GPHN: variants seen among roughly 807,000 people sequenced by gnomAD.
GPHN encodes gephyrin.
In GPHN, 17 loss-of-function variants were observed where a neutral mutation model predicts 95.5. That is an observed-to-expected ratio of 0.18 (90% CI 0.12 to 0.27). GPHN has a LOEUF of 0.27. Ranked by LOEUF, GPHN falls within the 10% of genes least tolerant of loss-of-function variation. GPHN has a pLI of 1.00. For synonymous variants in GPHN, 320 were observed against 322.5 expected, an observed-to-expected ratio of 0.99 and a Z score of 0.08; for missense variants, 660 against 978.1, an observed-to-expected ratio of 0.67 and a Z score of 4.34.
At chr14:67,615,818 G>C in the GPHN span, 1 of 590,662 alleles carries the variant, frequency 1.7e-6, no homozygotes, top group East Asian at 3.4e-5. Context: ...TGGCCCAAAA[G>C]TCAAAAGAGA....
At chr14:66,529,738 T>C (rs1420099880) in intron 1 of GPHN, among the ~76,000 whole-genome samples, 2 of 152,206 alleles carry the variant, frequency 1.3e-5, no homozygotes, top group African/African-American at 2.4e-5. Context: ...GCTGAAGGTC[T>C]GCTCTAGTTT....
chr14:67,392,572 C>A, the GPHN span: 1 of 1,306,806 alleles, frequency 7.7e-7, no homozygotes, highest in South Asian at 1.3e-5. Flanking sequence ...CCAAGGTCTC[C>A]TCCCATGACT....
intron 11 of GPHN, among the ~76,000 whole-genome samples, chr14:67,087,744 C>G (rs2076967672): frequency 6.6e-6 from 1 of 152,078 alleles, no homozygotes; most frequent in African/African-American, 2.4e-5. Context: ...CTAAGAAGGT[C>G]AAAGATAAAA....
intron 1 of GPHN, among the ~76,000 whole-genome samples, chr14:66,572,771 A>G (rs1423203368): frequency 1.3e-5 from 2 of 152,138 alleles, no homozygotes; most frequent in Admixed American, 6.5e-5. Flanking sequence ...TAATTTCTCT[A>G]ACAAAGACTT....
chr14:67,634,988 G>A, the GPHN span, among the ~76,000 whole-genome samples: 12 of 152,276 alleles, frequency 7.9e-5, no homozygotes, highest in African/African-American at 2.6e-4. Flanking sequence ...GCTCACGCCT[G>A]TAATCCAGCA....
chr14:67,303,659 C>A, the GPHN span: 1 of 1,155,576 alleles, frequency 8.7e-7, no homozygotes, highest in East Asian at 2.3e-5. Context: ...ACTTCTGTTA[C>A]TGTTTACTGT....
At chr14:67,200,741 A>G in the GPHN span, among the ~76,000 whole-genome samples, 2 of 152,172 alleles carry the variant, frequency 1.3e-5, no homozygotes, top group African/African-American at 4.8e-5. Flanking sequence ...TACCTTATAC[A>G]TACTTCTTTC....
chr14:67,437,570 C>A, the GPHN span, among the ~76,000 whole-genome samples: 1 of 152,030 alleles, frequency 6.6e-6, no homozygotes, highest in East Asian at 1.9e-4. Context: ...ATAGGCTGTG[C>A]GGGCAGCCGT....
chr14:66,780,712 T>C (rs138779335), intron 3 of GPHN, among the ~76,000 whole-genome samples: 1,790 of 152,292 alleles, frequency 0.012, 17 homozygotes, highest in Non-Finnish European at 0.018. Context: ...GGAATTCATC[T>C]TGCTTTCAAA....
chr14:67,674,338 G>A, the GPHN span: 11 of 1,537,202 alleles, frequency 7.2e-6, no homozygotes, highest in African/African-American at 2.8e-5. Flanking sequence ...AGCGCGCAGG[G>A]CTGCGCTCCC....
the GPHN span, among the ~76,000 whole-genome samples, chr14:67,264,861 C>T: frequency 6.6e-6 from 1 of 152,100 alleles, no homozygotes; most frequent in African/African-American, 2.4e-5. Context: ...CTCAAGTTTA[C>T]ATCTGAGAAA....
At chr14:67,622,280 C>T in the GPHN span, among the ~76,000 whole-genome samples, 1 of 152,194 alleles carries the variant, frequency 6.6e-6, no homozygotes, top group African/African-American at 2.4e-5. Flanking sequence ...TCTAAGTTAA[C>T]TCCCCACTGT....
the GPHN span, among the ~76,000 whole-genome samples, chr14:67,658,596 C>CA: frequency 7.2e-5 from 11 of 151,786 alleles, no homozygotes; most frequent in Admixed American, 3.9e-4. Flanking sequence ...GACTCCGTCT[C>CA]AAAAAAAATA....
chr14:67,468,421 G>A, the GPHN span, among the ~76,000 whole-genome samples: 18 of 152,342 alleles, frequency 1.2e-4, no homozygotes, highest in African/African-American at 3.8e-4. Flanking sequence ...GACCAGGCAA[G>A]ACTACAGTCA....
At chr14:67,213,183 C>CT in the GPHN span, among the ~76,000 whole-genome samples, 1 of 145,114 alleles carries the variant, frequency 6.9e-6, no homozygotes, top group Non-Finnish European at 1.5e-5. Flanking sequence ...TATTATTATA[C>CT]TTTAAGTTTT....
the GPHN span, chr14:67,205,060 G>T: frequency 2.6e-6 from 4 of 1,551,306 alleles, no homozygotes; most frequent in South Asian, 3.6e-5. Flanking sequence ...TGAAAACAAT[G>T]ACTTAATCAG....
intron 1 of GPHN, among the ~76,000 whole-genome samples, chr14:66,612,056 G>A (rs2062805368): frequency 6.6e-6 from 1 of 151,646 alleles, no homozygotes; most frequent in Non-Finnish European, 1.5e-5. Flanking sequence ...TACTTAAACT[G>A]TTCTCTAAAT....
At chr14:67,136,713 G>T (rs904426590) in intron 17 of GPHN, among the ~76,000 whole-genome samples, 3 of 152,048 alleles carry the variant, frequency 2.0e-5, no homozygotes, top group Non-Finnish European at 4.4e-5. Context: ...TGACACTCAG[G>T]TCTTCAATTA....
At chr14:67,392,298 C>T in the GPHN span, 4 of 1,404,782 alleles carry the variant, frequency 2.8e-6, no homozygotes, top group Non-Finnish European at 4.0e-6. Flanking sequence ...AACTGTCCAT[C>T]TCTCTTCCCT....
Sources: gnomAD v4.1 joint callset for allele counts (sites outside exome capture counted in the v4.1 genomes callset) on GRCh38, gnomAD v4.1.1 for gene constraint, MANE v1.5 for transcripts, NCBI Gene and HGNC (gene_info 2026-07-23, HGNC 2026-07-21) for gene names.